DVL1: variants seen among roughly 807,000 people sequenced by gnomAD.
The protein encoded by DVL1 is segment polarity protein dishevelled homolog DVL-1.
A neutral mutation model predicts 65.0 loss-of-function variants in DVL1; 49 were observed. The observed-to-expected ratio is 0.75, with a 90% CI of 0.60 to 0.96. DVL1 has a LOEUF of 0.96. Ranked by LOEUF, DVL1 falls within the 40% of genes least tolerant of loss-of-function variation. DVL1 has a pLI of 0.00. For missense variants in DVL1, 1,197 were observed against 1,045.4 expected (o/e 1.15, Z -2.00); for synonymous variants, 608 against 433.9 (o/e 1.40, Z -4.99).
intron 3 of DVL1, 54 bp from the exon 4 acceptor site, chr1:1,342,210 G>A: frequency 1.3e-6 from 2 of 1,513,482 alleles, no homozygotes; most frequent in Non-Finnish European, 1.8e-6. Flanking sequence ...CCCCTCAGAT[G>A]CCGCCCAGCC....
intron 14 of DVL1, among the ~76,000 whole-genome samples, chr1:1,337,424 T>A (rs1643615324): frequency 1.3e-5 from 2 of 152,032 alleles, no homozygotes; most frequent in Admixed American, 6.5e-5. Context: ...GGCACAAGGC[T>A]AGGATGCACG....
intron 13 of DVL1, 40 bp downstream of exon 13, chr1:1,338,229 T>TGGGCCCGC: frequency 6.6e-7 from 1 of 1,522,372 alleles, no homozygotes; most frequent in Non-Finnish European, 9.0e-7. Flanking sequence ...CCTCCGGCGT[T>TGGGCCCGC]CCCCTCCCCC....
intron 1 of DVL1, 104 bp downstream of exon 1, chr1:1,348,792 T>C: frequency 9.6e-7 from 1 of 1,042,160 alleles, no homozygotes. Flanking sequence ...CGGTCGCAGG[T>C]CCCCGGGGGC....
chr1:1,339,837 T>C (rs1643724233), intron 8 of DVL1, 25 bp from the exon 9 acceptor site: 1 of 1,592,638 alleles, frequency 6.3e-7, no homozygotes. Flanking sequence ...ATTAGGGTGG[T>C]GCAGGCAGGA....
intron 10 of DVL1, 21 bp from the exon 11 acceptor site, chr1:1,339,460 G>A (rs1356058763): frequency 4.2e-6 from 6 of 1,416,776 alleles, no homozygotes; most frequent in East Asian, 3.0e-5. Flanking sequence ...GCCACGTGGC[G>A]ATGACAGGCG....
intron 14 of DVL1, 41 bp downstream of exon 14, chr1:1,337,936 G>A: frequency 6.5e-7 from 1 of 1,536,896 alleles, no homozygotes; most frequent in Non-Finnish European, 8.9e-7. Context: ...GCGGAGCTGG[G>A]GGCGGAGCCG....
At chr1:1,345,769 G>C (rs1171428471) in intron 1 of DVL1, among the ~76,000 whole-genome samples, 6 of 152,216 alleles carry the variant, frequency 3.9e-5, no homozygotes, top group Non-Finnish European at 1.5e-5. Context: ...TTCTCCCAAG[G>C]CGGAGCAGGA....
chr1:1,338,035 G>A lies in DVL1; in HGVS notation c.1656C>T (p.Ala552=), dbSNP rs1643643649. The A allele has an allele frequency of 2.5e-6, 4 of 1,611,938 alleles. No homozygotes were observed. Among genetic ancestry groups the A allele is most frequent in the Non-Finnish European group, 3.4e-6 (4 of 1,179,670 alleles). ...CATAGCTAAAGCCCGGGTCCTGGTA[G>A]GCAGGCGGGAAGCAGGGTGGGGGTC... ...YPGPPPCFPP[A]YQDPGFSYGS... Residue 552 remains alanine, a synonymous_variant, in exon 14 of 15, where the codon GCC becomes GCT. Transcript: ENST00000378888.
chr1:1,336,885 C>A (rs569858898), intron 14 of DVL1: 59 of 632,252 alleles, frequency 9.3e-5, no homozygotes, highest in Non-Finnish European at 1.1e-4. Flanking sequence ...GCCCCACTGT[C>A]CCCCCGGCCC....
chr1:1,338,960 C>A (rs899442216), intron 11 of DVL1, among the ~76,000 whole-genome samples: 22 of 152,364 alleles, frequency 1.4e-4, no homozygotes, highest in Non-Finnish European at 2.1e-4. Flanking sequence ...TTCCCCTCCC[C>A]GCATGCCCCA....
chr1:1,337,457 T>TACC (rs1247210530), intron 14 of DVL1, among the ~76,000 whole-genome samples: 1 of 152,164 alleles, frequency 6.6e-6, no homozygotes, highest in Non-Finnish European at 1.5e-5. Flanking sequence ...TCAGGCTCCC[T>TACC]ACCCGGGCTG....
chr1:1,344,099 G>A (rs1037480029), intron 1 of DVL1, among the ~76,000 whole-genome samples: 3 of 152,142 alleles, frequency 2.0e-5, no homozygotes, highest in Non-Finnish European at 2.9e-5. Flanking sequence ...AAGGAGCAAG[G>A]CAGGCAGGGC....
Position 1,341,672 on chromosome 1 carries a change from C to G in DVL1, c.600G>C (p.Thr200=), listed in dbSNP as rs754245807. The G allele has an allele frequency of 5.0e-6, 8 of 1,603,226 alleles. No homozygotes were observed. The African/African-American group carries it at 8.0e-5, about 16-fold the overall frequency. The change falls in exon 5 of 15, where the codon ACG becomes ACC. Residue 200 remains threonine, a synonymous_variant. Coordinates refer to ENST00000378888, the MANE Select transcript of DVL1 (RefSeq NM_001330311.2). ...CCACAGACACTCCCACACACCTGCT[C>G]GTGCTGCCATCCTCGTCCGAGTCCA... ...SFVDSDEDGS[T]SRLSSSTEQS...
chr1:1,347,719 C>T (rs758279549), intron 1 of DVL1, among the ~76,000 whole-genome samples: 32 of 152,212 alleles, frequency 2.1e-4, no homozygotes, highest in Non-Finnish European at 4.4e-4. Context: ...GGGGAGGAGC[C>T]CGGACCAGAC....
intron 1 of DVL1, among the ~76,000 whole-genome samples, chr1:1,348,639 C>A (rs1643960224): frequency 6.6e-6 from 1 of 152,176 alleles, no homozygotes; most frequent in South Asian, 2.1e-4. Flanking sequence ...CTGACACGGG[C>A]CAAGGCAGGA....
rs752707849 is a variant in DVL1 at position 1,336,290 on chromosome 1, G to A, written c.1940C>T (p.Thr647Met). Reference sequence around the variant, plus strand: ...CCCCACCACTGTATAGGCCTTGGTCGTGGGGTGGGGCGGGGGGAGCCCCGG... The same window carrying A: ...CCCCACCACTGTATAGGCCTTGGTCATGGGGTGGGGCGGGGGGAGCCCCGG... ...TAPGLPPPHP[T>M]TKAYTVVGGP... Residue 647 changes from threonine (T) to methionine (M), a missense_variant, in exon 15 of 15, where the codon ACG becomes ATG. Thr to Met is a moderately conservative substitution (Grantham distance 81). Coordinates refer to ENST00000378888, the MANE Select transcript of DVL1 (RefSeq NM_001330311.2). 21 of 1,562,832 alleles carry A rather than the reference G, an allele frequency of 1.3e-5. No homozygotes were observed. The highest frequency in any genetic ancestry group is 2.3e-5 in the South Asian group (2 of 87,108).
In DVL1 at chr1:1,336,157, G is replaced by T; in HGVS notation, c.2073C>A (p.Phe691Leu). The change falls in exon 15 of 15, where the codon TTC (phenylalanine) becomes TTA (leucine). Residue 691 changes from phenylalanine (F) to leucine (L), a missense_variant. By Grantham distance (22) the Phe-to-Leu change is conservative. Coordinates refer to ENST00000378888, the MANE Select transcript of DVL1 (RefSeq NM_001330311.2). The stretch of plus-strand genomic sequence containing the variant: ...GCGCCACGAGTCACATGATGTCCAC[G>T]AAGAACTCGCAGGGGTTCCCCATAG... ...QKAMGNPCEF[F>L]VDIM The T allele has an allele frequency of 6.3e-7, 1 of 1,576,306 alleles. No homozygotes were observed.
chr1:1,336,647 A>T, intron 14 of DVL1, 132 bp from the exon 15 acceptor site: 2 of 1,235,326 alleles, frequency 1.6e-6, no homozygotes, highest in Non-Finnish European at 2.1e-6. Context: ...GCAGCCATGC[A>T]GGCGCGAGGA....
At chr1:1,340,000 C>T (rs764848297) in intron 8 of DVL1, 38 bp downstream of exon 8, 25 of 1,595,260 alleles carry the variant, frequency 1.6e-5, no homozygotes, top group Middle Eastern at 2.0e-4. Context: ...CGGACCCACC[C>T]GCAGCTACAT....
Sources: gnomAD v4.1 joint callset for allele counts (sites outside exome capture counted in the v4.1 genomes callset) on GRCh38, gnomAD v4.1.1 for gene constraint, MANE v1.5 for transcripts, NCBI Gene and HGNC (gene_info 2026-07-23, HGNC 2026-07-21) for gene names.